The following BDP1 variants were observed in gnomAD, a reference collection of about 807,000 sequenced individuals.
BDP1 encodes the protein transcription factor TFIIIB component B'' homolog.
In BDP1, 169 loss-of-function variants were observed where a neutral mutation model predicts 266.6. That is an observed-to-expected ratio of 0.63 (90% CI 0.56 to 0.72). The LOEUF (loss-of-function observed/expected upper bound fraction) is 0.72, where lower values mean the gene tolerates loss of function less well. Among genes scored for constraint, BDP1 ranks in the 30% least tolerant of loss-of-function variants. The pLI is 0.00. For synonymous variants in BDP1, 1,090 were observed against 1,022.4 expected (o/e 1.07, Z -1.26); for missense variants, 3,015 against 3,053.8 (o/e 0.99, Z 0.30).
chr5:71,539,563 A>G lies in BDP1; in HGVS notation c.5936A>G (p.Asn1979Ser). 3 of 1,609,990 alleles carry G rather than the reference A, an allele frequency of 1.9e-6. No individual in the cohort carries two copies. Among genetic ancestry groups the G allele is most frequent in the Non-Finnish European group, 2.5e-6 (3 of 1,177,598 alleles). ...SEHIQDEPGT[N>S]DGSTEAAITL... is the part of the protein sequence containing the mutation. ...TGATATATTTCCTCACAAGGTACCAATGATGGAAGCACCGAAGCTGCAATA... is the reference window on the plus strand; with the variant it reads ...TGATATATTTCCTCACAAGGTACCAGTGATGGAAGCACCGAAGCTGCAATA... The change falls in exon 28 of 39, where the codon AAT becomes AGT. Residue 1979 changes from asparagine (N) to serine (S), a missense_variant. Transcript: ENST00000358731.
In BDP1 at chr5:71,470,500, C is replaced by T; in HGVS notation, c.1014+11C>T. The T allele has an allele frequency of 6.5e-7, 1 of 1,549,314 alleles. No homozygotes were observed. Among genetic ancestry groups the T allele is most frequent in the South Asian group, 1.1e-5 (1 of 86,958 alleles). On this transcript the variant is annotated intron_variant, in intron 7 of 38. Coordinates refer to ENST00000358731, the MANE Select transcript of BDP1 (RefSeq NM_018429.3). Reference sequence around the variant, plus strand: ...AGGATAGAAATTAAGGTAAAGTAAACCCATCACATTTGTTGATTGGAAAGA... The same window carrying T: ...AGGATAGAAATTAAGGTAAAGTAAATCCATCACATTTGTTGATTGGAAAGA...
intron 7 of BDP1, among the ~76,000 whole-genome samples, chr5:71,470,951 G>A (rs1377596375): frequency 6.6e-6 from 1 of 150,780 alleles, no homozygotes; most frequent in African/African-American, 2.4e-5. Context: ...TTATTGAAAA[G>A]TAATATTTAT....
chr5:71,502,483 C>A, intron 14 of BDP1, 116 bp from the exon 15 acceptor site: 1 of 1,017,566 alleles, frequency 9.8e-7, no homozygotes, highest in Non-Finnish European at 1.4e-6. Context: ...CGGATTATGT[C>A]TTTTCAGGAA....
At chr5:71,456,221 G>A (rs1761177619) in intron 1 of BDP1, 132 bp downstream of exon 1, 2 of 844,162 alleles carry the variant, frequency 2.4e-6, no homozygotes, top group Non-Finnish European at 1.8e-6. Flanking sequence ...GAGGCTTGAT[G>A]AAACCACTCC....
chr5:71,513,333 T>G lies in BDP1; in HGVS notation c.4396T>G (p.Ser1466Ala). Residue 1466 changes from serine (S) to alanine (A), a missense_variant, in exon 19 of 39, where the codon TCA becomes GCA. Physicochemically the swap from Ser to Ala is moderately conservative, Grantham distance 99 (BLOSUM62 1). This residue lies in a region of BDP1 where 2,383 missense variants were observed against 2,404.9 expected (regional missense o/e 0.99). Transcript: ENST00000358731. ...AGAAAAATATATATATGAGAAGAAA[T>G]CAGAAACCAAGAAAATGGAGACTAT... ...ESEKYIYEKK[S>A]ETKKMETIVM... 25 of 1,487,756 alleles carry G rather than the reference T, an allele frequency of 1.7e-5. No homozygotes were observed. Among genetic ancestry groups the G allele is most frequent in the Middle Eastern group, 2.1e-4 (1 of 4,736 alleles). The allele number at this position is 1,487,756 out of a possible 1,614,324, so 92.2% of individuals were successfully genotyped here.
At chr5:71,558,215 C>G (rs955469805) in intron 36 of BDP1, among the ~76,000 whole-genome samples, 9 of 152,098 alleles carry the variant, frequency 5.9e-5, no homozygotes, top group Non-Finnish European at 1.3e-4. Flanking sequence ...GGTTTGATAA[C>G]CTATGATGGT....
At chr5:71,457,857 A>G (rs929226195) in intron 1 of BDP1, among the ~76,000 whole-genome samples, 1 of 152,188 alleles carries the variant, frequency 6.6e-6, no homozygotes, top group Non-Finnish European at 1.5e-5. Flanking sequence ...GACTTATACC[A>G]CCTCTTTTCT....
chr5:71,509,109 A>C (rs1764748662), intron 16 of BDP1, among the ~76,000 whole-genome samples: 1 of 152,166 alleles, frequency 6.6e-6, no homozygotes, highest in African/African-American at 2.4e-5. Flanking sequence ...GAAGAGGTAG[A>C]AATAGCAGAC....
chr5:71,560,978 G>T (rs1743604912), intron 37 of BDP1, among the ~76,000 whole-genome samples: 2 of 152,218 alleles, frequency 1.3e-5, no homozygotes, highest in South Asian at 4.1e-4. Flanking sequence ...AGGTACAGTG[G>T]CACATGCCTA....
intron 4 of BDP1, among the ~76,000 whole-genome samples, chr5:71,465,072 C>T (rs995946829): frequency 1.1e-3 from 166 of 151,802 alleles, no homozygotes; most frequent in African/African-American, 3.9e-3. Flanking sequence ...TTCACTATGT[C>T]GCCCAGGCTG....
At chr5:71,524,945 T>C (rs1282760751) in intron 25 of BDP1, among the ~76,000 whole-genome samples, 6 of 150,914 alleles carry the variant, frequency 4.0e-5, no homozygotes, top group Non-Finnish European at 7.4e-5. Flanking sequence ...GAGCACAGGG[T>C]TGGGGGTAAG....
rs1019288924 is a variant in BDP1, at chr5:71,542,259, CAA to C, written c.6408_6409del (p.Glu2138AsnfsTer14). 12 of 1,606,106 alleles carry C rather than the reference CAA, an allele frequency of 7.5e-6. No individual in the cohort carries two copies. Among genetic ancestry groups the C allele is most frequent in the East Asian group, 2.2e-5 (1 of 44,624 alleles). On this transcript the variant is annotated frameshift_variant, in exon 30 of 39. Coordinates refer to ENST00000358731, the MANE Select transcript of BDP1 (RefSeq NM_018429.3). LOFTEE classifies it high-confidence loss of function. ...CVTKGAEMET[Q>X]RETEKNASKA... ...AACCAAAGGGGCAGAAATGGAAACT[CAA>C]AGAGGTAAATTTTATTCTCTTAATA...
intron 31 of BDP1, 135 bp from the exon 32 acceptor site, chr5:71,544,904 A>AAAAAT: frequency 1.1e-5 from 5 of 442,336 alleles, no homozygotes; most frequent in Non-Finnish European, 1.9e-5. Flanking sequence ...AAAAAAAAAA[A>AAAAAT]AAGTCCTATT....
chr5:71,508,583 T>C (rs1467081715), intron 16 of BDP1, among the ~76,000 whole-genome samples: 1 of 151,952 alleles, frequency 6.6e-6, no homozygotes, highest in Non-Finnish European at 1.5e-5. Context: ...CATGCCCAGC[T>C]CAATACGTCT....
At chr5:71,494,039 C>T (rs6871754) in intron 11 of BDP1, among the ~76,000 whole-genome samples, 67,611 of 151,894 alleles carry the variant, frequency 0.45, 15,420 homozygotes, top group South Asian at 0.55. Context: ...TCTATTAAGA[C>T]GTAGAAAACA....
At chr5:71,457,307 G>GTTT (rs780891505) in intron 1 of BDP1, among the ~76,000 whole-genome samples, 1 of 126,054 alleles carries the variant, frequency 7.9e-6, no homozygotes, top group Admixed American at 8.0e-5. Flanking sequence ...TGGGAAAGTG[G>GTTT]TTTTTTTTTT....
At chr5:71,576,891 A>G in the BDP1 span, among the ~76,000 whole-genome samples, 2 of 141,320 alleles carry the variant, frequency 1.4e-5, no homozygotes, top group Non-Finnish European at 3.1e-5. Flanking sequence ...CCATTTATGA[A>G]TGGCAACATC....
In BDP1 at chr5:71,516,248, A is replaced by G; in HGVS notation, c.4837A>G (p.Thr1613Ala). The change falls in exon 21 of 39, where the codon ACT becomes GCT. Residue 1613 changes from threonine to alanine, a missense_variant. Around this residue, in one of 3 missense-constraint regions of BDP1, gnomAD observed 2,383 missense variants for 2,404.9 expected, o/e 0.99. Transcript: ENST00000358731. ...AAGAACGATATTACCAAAAGATGAA[A>G]CTGAAAAGAAAGTCTTAACTGTGGT... ...EGRTILPKDE[T>A]EKKVLTVSNS... 1 of 1,612,674 alleles carries G rather than the reference A, an allele frequency of 6.2e-7. No individual in the cohort carries two copies.
chr5:71,497,405 T>C lies in BDP1; in HGVS notation c.1935T>C (p.His645=). The stretch of plus-strand genomic sequence containing the variant: ...CAGAGTCAGAGAGCAAGAATTCACA[T>C]TCAAAAACTTCAGTTGAAAAGGTAT... ...GKTESESKNS[H]SKTSVEKNHV... is the part of the protein sequence containing the mutation. Residue 645 remains histidine (H), a synonymous_variant, in exon 13 of 39, where the codon CAT becomes CAC. Transcript: ENST00000358731. The C allele has an allele frequency of 6.2e-7, 1 of 1,613,098 alleles. No individual in the cohort carries two copies. The highest frequency in any genetic ancestry group is 8.5e-7 in the Non-Finnish European group (1 of 1,179,630).
Sources: allele counts gnomAD v4.1 joint callset (sites outside exome capture counted in the v4.1 genomes callset), GRCh38; gene constraint gnomAD v4.1.1; regional missense constraint gnomAD v4.1.1; transcripts MANE v1.5; gene names NCBI Gene and HGNC (gene_info 2026-07-23, HGNC 2026-07-21).